The following CNTN5 variants were observed in gnomAD, a reference collection of about 807,000 sequenced individuals.
The protein encoded by CNTN5 is contactin-5.
A neutral mutation model predicts 129.1 loss-of-function variants in CNTN5; 77 were observed. The observed-to-expected ratio is 0.60, with a 90% CI of 0.50 to 0.72. CNTN5 has a LOEUF of 0.72. Ranked by LOEUF, CNTN5 falls within the 30% of genes least tolerant of loss-of-function variation. The pLI, the probability that CNTN5 is intolerant of heterozygous loss-of-function variation, is 0.00. For missense variants in CNTN5, 1,478 were observed against 1,328.8 expected (o/e 1.11, Z -1.75); for synonymous variants, 509 against 465.6 (o/e 1.09, Z -1.20).
intron 15 of CNTN5, among the ~76,000 whole-genome samples, chr11:100,220,968 T>G (rs1313333349): frequency 6.6e-6 from 1 of 152,214 alleles, no homozygotes; most frequent in Non-Finnish European, 1.5e-5. Context: ...TCATCTCGCT[T>G]AATGATCCTT....
intron 9 of CNTN5, among the ~76,000 whole-genome samples, chr11:100,006,699 G>A (rs1591041914): frequency 6.6e-6 from 1 of 151,952 alleles, no homozygotes; most frequent in Non-Finnish European, 1.5e-5. Context: ...TATCCATGAG[G>A]GTTAGAACCA....
chr11:99,962,722 G>T (rs186465586), intron 8 of CNTN5, among the ~76,000 whole-genome samples: 4,478 of 151,278 alleles, frequency 0.03, 214 homozygotes, highest in East Asian at 0.21. Context: ...AGATCCCTGA[G>T]GAATCGCCAC....
In CNTN5 at chr11:99,140,351, C is replaced by A. The variant is rs1323582248; in HGVS notation, c.-210+119081C>A. Reference sequence around the variant, plus strand: ...ATACTAGGTAGATTCAATCTTCACCCTCCTCCTACCCTCCATCCTTTGGAC... The same window carrying A: ...ATACTAGGTAGATTCAATCTTCACCATCCTCCTACCCTCCATCCTTTGGAC... On this transcript the variant is annotated intron_variant, in intron 1 of 24. Coordinates refer to ENST00000524871, the MANE Select transcript of CNTN5 (RefSeq NM_014361.4). Among the ~76,000 whole-genome samples, 4 of 152,212 alleles carry A rather than the reference C, an allele frequency of 2.6e-5. No individual in the cohort carries two copies. The South Asian group carries it at 8.3e-4, about 32-fold the overall frequency.
intron 4 of CNTN5, among the ~76,000 whole-genome samples, chr11:99,828,431 T>G (rs1247661662): frequency 6.6e-6 from 1 of 152,052 alleles, no homozygotes; most frequent in Non-Finnish European, 1.5e-5. Context: ...CATCATATGG[T>G]GAAGATGGAA....
At chr11:99,103,473 A>G (rs970817534) in intron 1 of CNTN5, among the ~76,000 whole-genome samples, 6 of 152,174 alleles carry the variant, frequency 3.9e-5, no homozygotes, top group South Asian at 4.1e-4. Context: ...TTGCATCATC[A>G]TCTTATTTAT....
At chr11:99,120,629 T>C (rs969518484) in intron 1 of CNTN5, 4 of 152,190 alleles carry the variant, frequency 2.6e-5, no homozygotes, top group African/African-American at 9.7e-5. Context: ...AACACCCCCA[T>C]TGAATATCTA....
chr11:99,254,051 T>G (rs1862252549), intron 1 of CNTN5, among the ~76,000 whole-genome samples: 1 of 151,800 alleles, frequency 6.6e-6, no homozygotes, highest in Admixed American at 6.6e-5. Flanking sequence ...TTTGGCTTTT[T>G]TCATTTAAAA....
chr11:99,589,809 A>T (rs191369878), intron 3 of CNTN5, among the ~76,000 whole-genome samples: 6 of 152,360 alleles, frequency 3.9e-5, no homozygotes, highest in Non-Finnish European at 8.8e-5. Flanking sequence ...GGAATGGCAC[A>T]TGTTTACAGA....
chr11:99,200,379 G>A (rs558597772), intron 1 of CNTN5, among the ~76,000 whole-genome samples: 60 of 152,066 alleles, frequency 3.9e-4, no homozygotes, highest in South Asian at 3.5e-3. Context: ...TGATCTTTTC[G>A]TATAAATCAG....
intron 3 of CNTN5, among the ~76,000 whole-genome samples, chr11:99,671,064 C>T (rs536642033): frequency 2.0e-5 from 3 of 151,726 alleles, no homozygotes; most frequent in East Asian, 1.9e-4. Context: ...TGCGCTTGCA[C>T]GTGCTCTCTC....
intron 6 of CNTN5, among the ~76,000 whole-genome samples, chr11:99,912,784 T>C (rs1949695462): frequency 6.6e-6 from 1 of 151,930 alleles, no homozygotes; most frequent in Non-Finnish European, 1.5e-5. Flanking sequence ...AAAGACAAAG[T>C]CTAGGGCCCT....
chr11:100,342,412 A>G (rs1480735418), intron 23 of CNTN5, among the ~76,000 whole-genome samples: 3 of 152,192 alleles, frequency 2.0e-5, no homozygotes, highest in Non-Finnish European at 4.4e-5. Context: ...ACTATGATGA[A>G]CAATATCCCA....
chr11:99,508,550 G>A lies in CNTN5; in HGVS notation c.-70-47595G>A, dbSNP rs145238999. ...GCTTTTTGTATCCACAGGGTTTGCGGAGCCCTTCCTCAATGGATAATGAGA... is the reference window on the plus strand; with the variant it reads ...GCTTTTTGTATCCACAGGGTTTGCGAAGCCCTTCCTCAATGGATAATGAGA... On this transcript the variant is annotated intron_variant, in intron 2 of 24. Transcript: ENST00000524871. Among the ~76,000 whole-genome samples, 332 of 152,216 alleles carry A rather than the reference G, an allele frequency of 2.2e-3. 2 individuals are homozygous for A. The highest frequency in any genetic ancestry group is 7.7e-3 in the African/African-American group (320 of 41,526).
chr11:99,269,942 TG>T (rs143032730), intron 1 of CNTN5, among the ~76,000 whole-genome samples: 14,670 of 151,890 alleles, frequency 0.097, 1,522 homozygotes, highest in East Asian at 0.45. Flanking sequence ...ACACTCTACT[TG>T]GGAAAAAATG....
intron 3 of CNTN5, among the ~76,000 whole-genome samples, chr11:99,767,761 T>C (rs1944804891): frequency 6.6e-6 from 1 of 152,058 alleles, no homozygotes; most frequent in Non-Finnish European, 1.5e-5. Flanking sequence ...AGAAAGGCAG[T>C]GACGTTACAG....
intron 9 of CNTN5, among the ~76,000 whole-genome samples, chr11:100,020,513 T>G (rs2137561738): frequency 6.6e-6 from 1 of 152,250 alleles, no homozygotes; most frequent in East Asian, 1.9e-4. Context: ...GCCAGTACCA[T>G]GCTGTTTTGA....
intron 2 of CNTN5, among the ~76,000 whole-genome samples, chr11:99,446,529 A>C (rs1944079544): frequency 6.6e-6 from 1 of 152,310 alleles, no homozygotes; most frequent in Non-Finnish European, 1.5e-5. Context: ...TTGGCCTGCA[A>C]ATAATAAAGA....
At chr11:99,801,400 T>C (rs1352099151) in intron 3 of CNTN5, among the ~76,000 whole-genome samples, 1 of 152,198 alleles carries the variant, frequency 6.6e-6, no homozygotes, top group Non-Finnish European at 1.5e-5. Context: ...GTGTGATTAC[T>C]ATATAGCTTG....
At chr11:99,273,795 A>G (rs1863293039) in intron 1 of CNTN5, among the ~76,000 whole-genome samples, 1 of 151,494 alleles carries the variant, frequency 6.6e-6, no homozygotes, top group African/African-American at 2.4e-5. Flanking sequence ...GATTATACTT[A>G]TGATTTTTTT....
Sources: gnomAD v4.1 joint callset for allele counts (sites outside exome capture counted in the v4.1 genomes callset) on GRCh38, gnomAD v4.1.1 for gene constraint, MANE v1.5 for transcripts, NCBI Gene and HGNC (gene_info 2026-07-23, HGNC 2026-07-21) for gene names.